USP12: variants seen among roughly 807,000 people sequenced by gnomAD.
The protein encoded by USP12 is ubiquitin carboxyl-terminal hydrolase 12.
A neutral mutation model predicts 45.5 loss-of-function variants in USP12; 19 were observed. The ratio of observed to expected loss-of-function variants is 0.42; its 90% confidence interval spans 0.29 to 0.61. USP12 has a LOEUF of 0.61. Among genes scored for constraint, USP12 ranks in the 20% least tolerant of loss-of-function variants. The pLI is 0.22. For missense variants in USP12, 242 were observed against 447.7 expected, an observed-to-expected ratio of 0.54 and a Z score of 4.15; for synonymous variants, 149 against 148.8, an observed-to-expected ratio of 1.00 and a Z score of -0.01.
At chr13:27,117,621 G>GT in intron 1 of USP12, 1 of 323,692 alleles carries the variant, frequency 3.1e-6, no homozygotes, top group South Asian at 2.7e-5. Flanking sequence ...ACCAACGTGT[G>GT]TGTGTGTTTA....
chr13:27,084,726 G>A (rs1873933923), intron 6 of USP12, among the ~76,000 whole-genome samples: 2 of 151,978 alleles, frequency 1.3e-5, no homozygotes, highest in Non-Finnish European at 2.9e-5. Context: ...TTATTTCTGG[G>A]TCATTTTGTT....
intron 1 of USP12, among the ~76,000 whole-genome samples, chr13:27,124,222 G>T (rs1876122673): frequency 6.6e-6 from 1 of 152,034 alleles, no homozygotes; most frequent in African/African-American, 2.4e-5. Flanking sequence ...ATGTTTTCAA[G>T]AAAACAATTC....
intron 1 of USP12, among the ~76,000 whole-genome samples, chr13:27,159,085 A>C (rs1464881693): frequency 2.0e-5 from 3 of 152,218 alleles, no homozygotes; most frequent in South Asian, 4.1e-4. Context: ...TGAATTTTTT[A>C]AACTCACACA....
At chr13:27,120,391 G>A (rs1230953615) in intron 1 of USP12, among the ~76,000 whole-genome samples, 1 of 152,160 alleles carries the variant, frequency 6.6e-6, no homozygotes, top group Non-Finnish European at 1.5e-5. Context: ...AGTAGCTCAC[G>A]CCTGTAATCC....
chr13:27,084,169 T>TACACACACAC (rs374948699), intron 6 of USP12, among the ~76,000 whole-genome samples: 156 of 142,508 alleles, frequency 1.1e-3, no homozygotes, highest in Admixed American at 1.8e-3. Flanking sequence ...CATGTTTGCA[T>TACACACACAC]ACACACACAC....
intron 1 of USP12, among the ~76,000 whole-genome samples, chr13:27,124,636 G>A (rs1325918145): frequency 2.0e-5 from 3 of 152,188 alleles, no homozygotes; most frequent in Non-Finnish European, 2.9e-5. Flanking sequence ...GCTTCCCAGA[G>A]GTGGGAAAAG....
chr13:27,125,442 G>A (rs1479072922), intron 1 of USP12, among the ~76,000 whole-genome samples: 2 of 152,214 alleles, frequency 1.3e-5, no homozygotes, highest in Non-Finnish European at 2.9e-5. Flanking sequence ...ACTGAGTGCT[G>A]GAGAACTTGG....
At chr13:27,083,656 A>G (rs1873866993) in intron 6 of USP12, among the ~76,000 whole-genome samples, 1 of 152,192 alleles carries the variant, frequency 6.6e-6, no homozygotes, top group East Asian at 1.9e-4. Flanking sequence ...GGCATGCTAT[A>G]TAAATGGAGT....
intron 2 of USP12, among the ~76,000 whole-genome samples, chr13:27,109,336 T>G (rs928397238): frequency 5.3e-5 from 8 of 152,200 alleles, no homozygotes; most frequent in Non-Finnish European, 7.3e-5. Context: ...ATATCTTACC[T>G]CCTATGAAGT....
At chr13:27,071,036 A>C in intron 8 of USP12, 35 bp downstream of exon 8, 2 of 1,563,522 alleles carry the variant, frequency 1.3e-6, no homozygotes, top group South Asian at 2.4e-5. Context: ...ATATGCATAC[A>C]ACTTTCAAAA....
At chr13:27,157,942 T>C (rs1281973328) in intron 1 of USP12, among the ~76,000 whole-genome samples, 1 of 152,230 alleles carries the variant, frequency 6.6e-6, no homozygotes, top group Non-Finnish European at 1.5e-5. Flanking sequence ...CAGCTTTGAA[T>C]CTCTAGGGTC....
chr13:27,130,151 T>C (rs1422966346), intron 1 of USP12, among the ~76,000 whole-genome samples: 1 of 152,200 alleles, frequency 6.6e-6, no homozygotes, highest in Non-Finnish European at 1.5e-5. Context: ...GTAACAGGGC[T>C]GGCAGCGGGA....
At chr13:27,118,669 T>C (rs1875850953) in intron 1 of USP12, among the ~76,000 whole-genome samples, 1 of 151,984 alleles carries the variant, frequency 6.6e-6, no homozygotes, top group African/African-American at 2.4e-5. Context: ...TATAATCCTT[T>C]CCCCCGACCA....
intron 2 of USP12, among the ~76,000 whole-genome samples, chr13:27,111,754 C>G (rs970161561): frequency 1.3e-5 from 2 of 152,062 alleles, no homozygotes; most frequent in Non-Finnish European, 2.9e-5. Context: ...AGATGTTTGT[C>G]TTATTTATTA....
At chr13:27,139,353 C>T (rs1037318575) in intron 1 of USP12, among the ~76,000 whole-genome samples, 6 of 152,206 alleles carry the variant, frequency 3.9e-5, no homozygotes, top group Admixed American at 2.0e-4. Flanking sequence ...TGGTGGCTTA[C>T]GCCTGTAATG....
chr13:27,125,494 A>G (rs760146366), intron 1 of USP12, among the ~76,000 whole-genome samples: 8 of 152,134 alleles, frequency 5.3e-5, no homozygotes, highest in Non-Finnish European at 1.2e-4. Flanking sequence ...TGCTTCCAAG[A>G]TGGCCGAATA....
chr13:27,087,125 G>A (rs1028272330), intron 6 of USP12, among the ~76,000 whole-genome samples: 2 of 151,744 alleles, frequency 1.3e-5, no homozygotes, highest in East Asian at 1.9e-4. Flanking sequence ...GTGTGTGTGC[G>A]TGTGTGAGAG....
chr13:27,116,105 G>A (rs528078919), intron 2 of USP12, among the ~76,000 whole-genome samples: 2 of 152,020 alleles, frequency 1.3e-5, no homozygotes, highest in African/African-American at 2.4e-5. Flanking sequence ...GAGGTCAGGA[G>A]ATCGAGACCA....
intron 6 of USP12, chr13:27,077,405 T>C (rs1047977321): frequency 6.6e-6 from 1 of 152,072 alleles, no homozygotes; most frequent in African/African-American, 2.4e-5. Context: ...AGAATGAACA[T>C]GGCCCGATGG....
Sources: allele counts gnomAD v4.1 joint callset (sites outside exome capture counted in the v4.1 genomes callset), GRCh38; gene constraint gnomAD v4.1.1; transcripts MANE v1.5; gene names NCBI Gene and HGNC (gene_info 2026-07-23, HGNC 2026-07-21).